MYT1L: variants seen among roughly 807,000 people sequenced by gnomAD.
MYT1L encodes the protein myelin transcription factor 1 like, also known as myelin transcription factor 1-like protein.
Under a neutral mutation model 126.7 loss-of-function variants are expected in MYT1L, and 12 were observed. The observed-to-expected ratio is 0.09, with a 90% CI of 0.06 to 0.15. The LOEUF (loss-of-function observed/expected upper bound fraction) is 0.15. MYT1L is among the 10% of genes least tolerant of loss of function. MYT1L has a pLI of 1.00. For missense variants in MYT1L, 979 were observed against 1,585.2 expected (o/e 0.62, Z 6.49); for synonymous variants, 541 against 604.2 (o/e 0.90, Z 1.53).
intron 3 of MYT1L, among the ~76,000 whole-genome samples, chr2:2,063,197 T>C (rs2070763472): frequency 6.6e-6 from 1 of 152,212 alleles, no homozygotes; most frequent in South Asian, 2.1e-4. Flanking sequence ...TTAAAATAAA[T>C]GTGTTCTCAT....
chr2:2,204,096 A>T (rs1345876173), intron 2 of MYT1L, among the ~76,000 whole-genome samples: 1 of 152,232 alleles, frequency 6.6e-6, no homozygotes, highest in African/African-American at 2.4e-5. Context: ...CTTACACCTT[A>T]TGCAAAAATT....
At chr2:1,998,282 C>T (rs1325431210) in intron 4 of MYT1L, among the ~76,000 whole-genome samples, 4 of 152,120 alleles carry the variant, frequency 2.6e-5, no homozygotes, top group African/African-American at 4.8e-5. Flanking sequence ...GCAGAGAGCC[C>T]GGAGCCCTGC....
intron 2 of MYT1L, among the ~76,000 whole-genome samples, chr2:2,207,865 C>T (rs1209953033): frequency 6.6e-6 from 1 of 152,142 alleles, no homozygotes; most frequent in Non-Finnish European, 1.5e-5. Flanking sequence ...GCCATCGAAG[C>T]ACCTACACCA....
At chr2:1,846,107 T>G (rs1354880075) in intron 19 of MYT1L, among the ~76,000 whole-genome samples, 4 of 152,222 alleles carry the variant, frequency 2.6e-5, no homozygotes, top group Admixed American at 6.5e-5. Flanking sequence ...CATCCCGACC[T>G]GGAGGCCTCA....
Position 1,791,811 on chromosome 2 carries a change from A to C in MYT1L, c.*56T>G, listed in dbSNP as rs2032138433. 1 of 1,484,300 alleles carries C rather than the reference A, an allele frequency of 6.7e-7. No homozygotes were observed. Among genetic ancestry groups the C allele is most frequent in the Non-Finnish European group, 9.0e-7 (1 of 1,116,086 alleles). 91.9% of individuals were successfully genotyped at this position (1,484,300 alleles called of 1,614,324 possible). A position where few individuals can be genotyped will look rare whatever the true frequency, so the allele number is the denominator to read the frequency against. On this transcript the variant is annotated 3_prime_UTR_variant, in exon 25 of 25. Coordinates refer to ENST00000647738, the MANE Select transcript of MYT1L (RefSeq NM_001303052.2). The surrounding 1 kb of genome is among the most constrained non-coding windows in gnomAD (Gnocchi z 6.0). The stretch of plus-strand genomic sequence containing the variant: ...AGAACACTTTCTGGTAAGTTACAGC[A>C]GCAAAAAACAAGAGGCATCCTTTTT...
intron 1 of MYT1L, among the ~76,000 whole-genome samples, chr2:2,286,574 T>A (rs1190946263): frequency 1.3e-5 from 2 of 152,262 alleles, no homozygotes; most frequent in Non-Finnish European, 2.9e-5. Flanking sequence ...GATTTTACTT[T>A]ACAACTGAAA....
At chr2:1,884,047 G>T (rs554407121) in intron 18 of MYT1L, 1 of 152,332 alleles carries the variant, frequency 6.6e-6, no homozygotes, top group South Asian at 2.1e-4. Flanking sequence ...ATCCAAGAGC[G>T]AGAGTTTATC....
chr2:1,931,254 A>C (rs2054931800), intron 9 of MYT1L, among the ~76,000 whole-genome samples: 1 of 152,246 alleles, frequency 6.6e-6, no homozygotes, highest in South Asian at 2.1e-4. Context: ...GATTGATACC[A>C]GTGCCAGAGA....
chr2:2,187,470 T>C (rs1448172687), intron 2 of MYT1L, among the ~76,000 whole-genome samples: 1 of 151,916 alleles, frequency 6.6e-6, no homozygotes, highest in Non-Finnish European at 1.5e-5. Flanking sequence ...GAAAGGCATG[T>C]TATTACCCAG....
At chr2:1,954,998 A>G (rs541006804) in intron 8 of MYT1L, among the ~76,000 whole-genome samples, 11 of 151,972 alleles carry the variant, frequency 7.2e-5, no homozygotes, top group East Asian at 3.9e-4. Flanking sequence ...AAGAAAGAAA[A>G]AAAGTTAGCC....
intron 8 of MYT1L, among the ~76,000 whole-genome samples, chr2:1,944,843 G>C (rs2057049190): frequency 6.6e-6 from 1 of 152,192 alleles, no homozygotes; most frequent in South Asian, 2.1e-4. Flanking sequence ...TTTGCGGAAT[G>C]AAAGGATGAA....
intron 3 of MYT1L, among the ~76,000 whole-genome samples, chr2:2,060,893 C>T (rs2150151033): frequency 6.6e-6 from 1 of 150,578 alleles, no homozygotes; most frequent in African/African-American, 2.4e-5. Flanking sequence ...AAGTTTGTTG[C>T]CAAATAATGA....
chr2:2,276,101 G>T (rs1350133877), intron 2 of MYT1L, among the ~76,000 whole-genome samples: 1 of 152,162 alleles, frequency 6.6e-6, no homozygotes, highest in African/African-American at 2.4e-5. Context: ...ACCTGATACA[G>T]TGGTGTATGG....
intron 2 of MYT1L, among the ~76,000 whole-genome samples, chr2:2,211,874 T>G (rs2093530131): frequency 1.3e-5 from 2 of 150,310 alleles, no homozygotes; most frequent in Admixed American, 1.3e-4. Context: ...CAAGCAGAAC[T>G]CTTTGTGGTA....
chr2:1,922,238 C>T lies in MYT1L; in HGVS notation c.1483+48G>A. ...GTAGACTACCACCAACATCCTTTAC[C>T]CTAGCTCATGTTTTCATGAGGCAAC... On this transcript the variant is annotated intron_variant, in intron 10 of 24. Coordinates refer to ENST00000647738, the MANE Select transcript of MYT1L (RefSeq NM_001303052.2). The surrounding 1 kb of genome is among the most constrained non-coding windows in gnomAD (Gnocchi z 7.4). 6.3e-7 allele frequency: 1 copy of T among 1,590,124 alleles called. No individual in the cohort carries two copies. The highest frequency in any genetic ancestry group is 8.6e-7 in the Non-Finnish European group (1 of 1,166,902).
At chr2:1,880,538 G>GC (rs1191382126) in intron 18 of MYT1L, among the ~76,000 whole-genome samples, 1 of 152,128 alleles carries the variant, frequency 6.6e-6, no homozygotes, top group Non-Finnish European at 1.5e-5. Context: ...TCTACATGCA[G>GC]CATGTTTCAT....
intron 1 of MYT1L, among the ~76,000 whole-genome samples, chr2:2,308,754 A>C (rs1295415714): frequency 6.6e-6 from 1 of 151,948 alleles, no homozygotes; most frequent in African/African-American, 2.4e-5. Context: ...CCTACACTTC[A>C]GTACACTCTA....
chr2:1,918,150 G>A (rs780019676), intron 10 of MYT1L, among the ~76,000 whole-genome samples: 8 of 152,038 alleles, frequency 5.3e-5, no homozygotes, highest in South Asian at 2.1e-4. Context: ...GGGCAAATTA[G>A]GGCAGAGCTT....
At chr2:2,200,340 G>T (rs1372133623) in intron 2 of MYT1L, among the ~76,000 whole-genome samples, 3 of 152,236 alleles carry the variant, frequency 2.0e-5, no homozygotes, top group Admixed American at 6.5e-5. Flanking sequence ...AGAAATCAAG[G>T]TGTCAGCGAA....
Sources: allele counts gnomAD v4.1 joint callset (sites outside exome capture counted in the v4.1 genomes callset), GRCh38; gene constraint gnomAD v4.1.1; non-coding constraint Gnocchi (gnomAD v3.1); transcripts MANE v1.5; gene names NCBI Gene and HGNC (gene_info 2026-07-23, HGNC 2026-07-21).